B3GALT1: variants seen among roughly 807,000 people sequenced by gnomAD.
The protein encoded by B3GALT1 is UDP-Gal:betaGlcNAc beta 1,3-galactosyltransferase, polypeptide 1.
A neutral mutation model predicts 23.2 loss-of-function variants in B3GALT1; 10 were observed. That is an observed-to-expected ratio of 0.43 (90% CI 0.27 to 0.73). B3GALT1 has a LOEUF of 0.73. B3GALT1 is among the 30% of genes least tolerant of loss of function. The pLI is 0.21. For missense variants in B3GALT1, 299 were observed against 405.4 expected (o/e 0.74, Z 2.25); for synonymous variants, 156 against 141.5 (o/e 1.10, Z -0.73).
chr2:167,393,570 A>T (rs1240406595), intron 1 of B3GALT1, among the ~76,000 whole-genome samples: 1 of 152,212 alleles, frequency 6.6e-6, no homozygotes, highest in Non-Finnish European at 1.5e-5. Flanking sequence ...CAATTGTATA[A>T]ATACTTTTTA....
At chr2:167,580,930 C>G (rs1266187302) in intron 2 of B3GALT1, among the ~76,000 whole-genome samples, 1 of 152,098 alleles carries the variant, frequency 6.6e-6, no homozygotes, top group East Asian at 1.9e-4. Flanking sequence ...ACAGTTTCTA[C>G]TATTATATAT....
chr2:167,415,862 A>G (rs1178497732), intron 1 of B3GALT1, among the ~76,000 whole-genome samples: 1 of 152,188 alleles, frequency 6.6e-6, no homozygotes, highest in Non-Finnish European at 1.5e-5. Context: ...TTTAAGAGCA[A>G]TGAATTAGGA....
intron 3 of B3GALT1, among the ~76,000 whole-genome samples, chr2:167,662,596 G>A (rs959609573): frequency 3.9e-5 from 6 of 152,044 alleles, no homozygotes; most frequent in African/African-American, 7.2e-5. Context: ...GTCCCTTAAG[G>A]TCTATTCTCC....
chr2:167,441,656 T>G (rs1418966978), intron 1 of B3GALT1, among the ~76,000 whole-genome samples: 1 of 152,146 alleles, frequency 6.6e-6, no homozygotes, highest in African/African-American at 2.4e-5. Context: ...AACAGTGGGT[T>G]TAAGAAGAAC....
At chr2:167,637,983 G>A (rs888451579) in intron 2 of B3GALT1, among the ~76,000 whole-genome samples, 3 of 151,994 alleles carry the variant, frequency 2.0e-5, no homozygotes, top group Non-Finnish European at 1.5e-5. Context: ...AGTGAACAAA[G>A]CAGGAAGTCA....
chr2:167,777,990 G>C (rs1688190106), intron 3 of B3GALT1, among the ~76,000 whole-genome samples: 1 of 151,942 alleles, frequency 6.6e-6, no homozygotes, highest in Non-Finnish European at 1.5e-5. Context: ...CAATGCACAG[G>C]ACAGCCAGTA....
intron 2 of B3GALT1, among the ~76,000 whole-genome samples, chr2:167,508,887 T>C (rs939738382): frequency 6.6e-6 from 1 of 152,068 alleles, no homozygotes; most frequent in Non-Finnish European, 1.5e-5. Context: ...TGAAGAAAAA[T>C]GCATTGGCAG....
chr2:167,543,530 T>C (rs532758251), intron 2 of B3GALT1, among the ~76,000 whole-genome samples: 2 of 152,144 alleles, frequency 1.3e-5, no homozygotes, highest in Non-Finnish European at 2.9e-5. Context: ...AAAAGCAAAT[T>C]GATCATTCAA....
intron 1 of B3GALT1, among the ~76,000 whole-genome samples, chr2:167,472,013 C>A (rs1337797719): frequency 6.6e-6 from 1 of 152,144 alleles, no homozygotes; most frequent in African/African-American, 2.4e-5. Flanking sequence ...TAAGGAACTT[C>A]CTTTCTGTGG....
At chr2:167,383,636 G>A (rs1264969001) in intron 1 of B3GALT1, among the ~76,000 whole-genome samples, 1 of 152,114 alleles carries the variant, frequency 6.6e-6, no homozygotes, top group African/African-American at 2.4e-5. Context: ...TTTCAGCTCT[G>A]AAACACGCAT....
At chr2:167,805,394 T>C (rs2105345321) in intron 3 of B3GALT1, among the ~76,000 whole-genome samples, 1 of 152,352 alleles carries the variant, frequency 6.6e-6, no homozygotes, top group South Asian at 2.1e-4. Flanking sequence ...AGACATGAAG[T>C]CCTTGCCCCT....
At chr2:167,655,110 A>AT (rs1029338534) in intron 3 of B3GALT1, among the ~76,000 whole-genome samples, 5 of 151,890 alleles carry the variant, frequency 3.3e-5, no homozygotes, top group Admixed American at 6.6e-5. Context: ...TAATCTTGAT[A>AT]TTTTTTTACT....
intron 1 of B3GALT1, among the ~76,000 whole-genome samples, chr2:167,354,067 C>T (rs577485629): frequency 9.2e-5 from 14 of 152,292 alleles, no homozygotes; most frequent in Admixed American, 8.5e-4. Context: ...CTGCGGGATG[C>T]AGTAAGTCAT....
chr2:167,670,648 A>G (rs574940322), intron 3 of B3GALT1, among the ~76,000 whole-genome samples: 1 of 152,326 alleles, frequency 6.6e-6, no homozygotes, highest in Admixed American at 6.5e-5. Flanking sequence ...AACACAGATA[A>G]CTCAATGAAA....
intron 2 of B3GALT1, among the ~76,000 whole-genome samples, chr2:167,572,647 C>T (rs1684315539): frequency 6.6e-6 from 1 of 151,806 alleles, no homozygotes; most frequent in South Asian, 2.1e-4. Context: ...ATTGAGGTCA[C>T]TACCTCCACT....
At chr2:167,747,354 A>G (rs181700968) in intron 3 of B3GALT1, among the ~76,000 whole-genome samples, 100 of 152,310 alleles carry the variant, frequency 6.6e-4, no homozygotes, top group Non-Finnish European at 1.2e-3. Flanking sequence ...GGGCCAGAAA[A>G]TGCCTAAGCT....
intron 1 of B3GALT1, among the ~76,000 whole-genome samples, chr2:167,306,462 T>C (rs769102804): frequency 6.6e-6 from 1 of 152,046 alleles, no homozygotes; most frequent in Non-Finnish European, 1.5e-5. Flanking sequence ...TTTTCTAGAA[T>C]ATTTTATAAC....
chr2:167,678,194 A>G (rs1396297617), intron 3 of B3GALT1, among the ~76,000 whole-genome samples: 1 of 152,184 alleles, frequency 6.6e-6, no homozygotes. Context: ...TTGTGTCCCC[A>G]TTCCACACTA....
At chr2:167,350,431 A>T (rs958018107) in intron 1 of B3GALT1, among the ~76,000 whole-genome samples, 1 of 152,182 alleles carries the variant, frequency 6.6e-6, no homozygotes, top group Admixed American at 6.5e-5. Context: ...AATGGTTTAT[A>T]TATCTGAGCA....
Sources: gnomAD v4.1 joint callset for allele counts (sites outside exome capture counted in the v4.1 genomes callset) on GRCh38, gnomAD v4.1.1 for gene constraint, MANE v1.5 for transcripts, NCBI Gene and HGNC (gene_info 2026-07-23, HGNC 2026-07-21) for gene names.